Variants in MYO1D observed in about 807,000 individuals in gnomAD.
The protein encoded by MYO1D is myosin ID.
MYO1D carries 83 observed loss-of-function variants against 122.0 expected under a neutral mutation model. The ratio of observed to expected loss-of-function variants is 0.68; its 90% confidence interval spans 0.57 to 0.82. The LOEUF (loss-of-function observed/expected upper bound fraction) is 0.82, where lower values mean the gene tolerates loss of function less well. Ranked by LOEUF, MYO1D falls within the 40% of genes least tolerant of loss-of-function variation. The pLI, the probability that MYO1D is intolerant of heterozygous loss-of-function variation, is 0.00. For missense variants in MYO1D, 1,157 were observed against 1,269.5 expected, an observed-to-expected ratio of 0.91 and a Z score of 1.35; for synonymous variants, 464 against 446.9, an observed-to-expected ratio of 1.04 and a Z score of -0.48.
chr17:32,871,104 G>A (rs1360928201), intron 1 of MYO1D, among the ~76,000 whole-genome samples: 2 of 152,188 alleles, frequency 1.3e-5, no homozygotes, highest in African/African-American at 4.8e-5. Context: ...TGAGGGCAGA[G>A]ATGAGGAAAG....
intron 21 of MYO1D, among the ~76,000 whole-genome samples, chr17:32,517,180 G>C (rs185927438): frequency 1.3e-5 from 2 of 152,330 alleles, no homozygotes; most frequent in African/African-American, 4.8e-5. Flanking sequence ...CAGACACCCT[G>C]GGTAATATTT....
intron 4 of MYO1D, among the ~76,000 whole-genome samples, chr17:32,774,784 C>T (rs1000994872): frequency 4.6e-5 from 7 of 152,034 alleles, no homozygotes; most frequent in African/African-American, 1.5e-4. Context: ...CTTAACAGTC[C>T]GACTTCAATA....
At chr17:32,560,310 T>A (rs2087107449) in intron 21 of MYO1D, among the ~76,000 whole-genome samples, 1 of 151,838 alleles carries the variant, frequency 6.6e-6, no homozygotes, top group Non-Finnish European at 1.5e-5. Context: ...GTTAAAATAC[T>A]AAACTATTCT....
In MYO1D at chr17:32,494,635, C is replaced by T. The variant is rs954411993; in HGVS notation, c.*124G>A. On this transcript the variant is annotated 3_prime_UTR_variant, in exon 22 of 22. Coordinates refer to ENST00000318217, the MANE Select transcript of MYO1D (RefSeq NM_015194.3). ...AACCAGGAAGGAAATCTTACAGGGG[C>T]GGGGCTCCTCTGGGAGGGGCCCTCG... 6.2e-6 allele frequency: 7 copies of T among 1,123,314 alleles called. No individual in the cohort carries two copies. Among genetic ancestry groups the T allele is most frequent in the South Asian group, 3.2e-5 (2 of 61,846 alleles). 69.6% of individuals were successfully genotyped at this position (1,123,314 alleles called of 1,614,324 possible). A position where few individuals can be genotyped will look rare whatever the true frequency, so the allele number is the denominator to read the frequency against.
intron 18 of MYO1D, among the ~76,000 whole-genome samples, 172 bp downstream of exon 18, chr17:32,654,305 G>A (rs1342269232): frequency 6.6e-6 from 1 of 152,216 alleles, no homozygotes; most frequent in African/African-American, 2.4e-5. Flanking sequence ...TTAAACACGG[G>A]AGAAACATCA....
At chr17:32,524,089 G>A (rs1415326294) in intron 21 of MYO1D, among the ~76,000 whole-genome samples, 1 of 152,128 alleles carries the variant, frequency 6.6e-6, no homozygotes, top group East Asian at 1.9e-4. Context: ...CTACAACCAG[G>A]GTAAACTAGT....
At chr17:32,762,284 G>C (rs945758575) in intron 8 of MYO1D, among the ~76,000 whole-genome samples, 20 of 152,264 alleles carry the variant, frequency 1.3e-4, no homozygotes, top group Middle Eastern at 3.4e-3. Context: ...CTGAAGAAAG[G>C]GGGGCTGGGT....
chr17:32,818,953 T>C (rs537095337), intron 1 of MYO1D, among the ~76,000 whole-genome samples: 42 of 152,298 alleles, frequency 2.8e-4, no homozygotes, highest in African/African-American at 9.1e-4. Context: ...ACTAGAGAGA[T>C]AGGTTGACGT....
intron 16 of MYO1D, among the ~76,000 whole-genome samples, chr17:32,708,458 G>C (rs914980865): frequency 1.3e-5 from 2 of 152,002 alleles, no homozygotes; most frequent in African/African-American, 4.8e-5. Context: ...TATTTTAAAA[G>C]GAAATAAAAA....
At chr17:32,729,693 C>T (rs1319178111) in intron 14 of MYO1D, among the ~76,000 whole-genome samples, 1 of 152,176 alleles carries the variant, frequency 6.6e-6, no homozygotes, top group Non-Finnish European at 1.5e-5. Context: ...ATGGAAAAGA[C>T]AGTCATAAGG....
intron 1 of MYO1D, among the ~76,000 whole-genome samples, chr17:32,791,633 C>A (rs1287175834): frequency 6.6e-6 from 1 of 151,892 alleles, no homozygotes; most frequent in Non-Finnish European, 1.5e-5. Context: ...AATTAAGAAG[C>A]AAATAGAGCA....
At position 32,682,486 on chromosome 17, in the gene MYO1D, G is replaced by T. The variant is rs1184345308; in HGVS notation, c.2122-23148C>A. Among the ~76,000 whole-genome samples, 41 of 150,908 alleles carry T rather than the reference G, an allele frequency of 2.7e-4. 1 individual carries two copies. Among genetic ancestry groups the T allele is most frequent in the African/African-American group, 7.6e-4 (31 of 40,768 alleles). On this transcript the variant is annotated intron_variant, in intron 16 of 21. Transcript: ENST00000318217. ...TCTCAGCATTTGCTTGTCTGTAAAG[G>T]ATTTTATTTCTCCTTCACTTATGAA...
intron 21 of MYO1D, among the ~76,000 whole-genome samples, chr17:32,514,465 TC>T (rs1909817322): frequency 6.6e-6 from 1 of 152,156 alleles, no homozygotes. Flanking sequence ...TTTCCAGCAA[TC>T]TTTATCTGAA....
intron 21 of MYO1D, among the ~76,000 whole-genome samples, chr17:32,565,508 T>C (rs547735883): frequency 6.6e-6 from 1 of 152,310 alleles, no homozygotes; most frequent in South Asian, 2.1e-4. Flanking sequence ...TAGCCCTCGA[T>C]CATCTGCTTT....
intron 1 of MYO1D, among the ~76,000 whole-genome samples, chr17:32,846,998 CAAAT>C (rs1300540374): frequency 6.6e-6 from 1 of 151,962 alleles, no homozygotes; most frequent in Non-Finnish European, 1.5e-5. Context: ...AACAAACAAA[CAAAT>C]AAGTAAATAA....
chr17:32,515,678 T>TCATCA (rs1909867584), intron 21 of MYO1D, among the ~76,000 whole-genome samples: 1 of 152,202 alleles, frequency 6.6e-6, no homozygotes, highest in Non-Finnish European at 1.5e-5. Flanking sequence ...CATCACACTG[T>TCATCA]CACTGAACCT....
intron 16 of MYO1D, among the ~76,000 whole-genome samples, chr17:32,677,128 C>T (rs892823402): frequency 9.2e-5 from 14 of 152,164 alleles, no homozygotes; most frequent in African/African-American, 1.9e-4. Context: ...TAAATTTTTA[C>T]GCAGGAATAT....
rs571696313 is a variant in MYO1D at position 32,503,838 on chromosome 17, T to C, written c.2865-8923A>G. Among the ~76,000 whole-genome samples the C allele has an allele frequency of 7.2e-5, 11 of 152,296 alleles. No homozygotes were observed. The East Asian group carries it at 2.1e-3, about 29-fold the overall frequency. On this transcript the variant is annotated intron_variant, in intron 21 of 21. Coordinates refer to ENST00000318217, the MANE Select transcript of MYO1D (RefSeq NM_015194.3). Reference sequence around the variant, plus strand: ...CTGTTTACTCTGTGTTTCAGTTCCTTCAAGAAGTAAATCCCCCTGCTGATG... The same window carrying C: ...CTGTTTACTCTGTGTTTCAGTTCCTCCAAGAAGTAAATCCCCCTGCTGATG...
At chr17:32,700,627 G>GACAA (rs1387693237) in intron 16 of MYO1D, among the ~76,000 whole-genome samples, 1 of 72,482 alleles carries the variant, frequency 1.4e-5, no homozygotes, top group East Asian at 4.7e-4. Context: ...AATTGATGAA[G>GACAA]ATAAAAAAAT....
Sources: gnomAD v4.1 joint callset for allele counts (sites outside exome capture counted in the v4.1 genomes callset) on GRCh38, gnomAD v4.1.1 for gene constraint, MANE v1.5 for transcripts, NCBI Gene and HGNC (gene_info 2026-07-23, HGNC 2026-07-21) for gene names.